SLC14A2: variants seen among roughly 807,000 people sequenced by gnomAD.
The protein encoded by SLC14A2 is solute carrier family 14 member 2, also known as urea transporter 2.
In SLC14A2, 91 loss-of-function variants were observed where a neutral mutation model predicts 104.6. The ratio of observed to expected loss-of-function variants is 0.87; its 90% CI spans 0.73 to 1.04. The LOEUF (loss-of-function observed/expected upper bound fraction) is 1.04. SLC14A2 is among the 50% of genes least tolerant of loss of function. The pLI, the probability that SLC14A2 is intolerant of heterozygous loss-of-function variation, is 0.00. For synonymous variants in SLC14A2, 476 were observed against 466.4 expected (o/e 1.02, Z -0.27); for missense variants, 1,189 against 1,156.0 (o/e 1.03, Z -0.41).
At chr18:45,554,418 G>A (rs1312660643) in intron 2 of SLC14A2, among the ~76,000 whole-genome samples, 1 of 152,144 alleles carries the variant, frequency 6.6e-6, no homozygotes, top group Non-Finnish European at 1.5e-5. Flanking sequence ...TTCTTCTGGG[G>A]AAGGCCATGG....
At chr18:45,335,256 C>T (rs553187404) in intron 1 of SLC14A2, among the ~76,000 whole-genome samples, 1 of 152,290 alleles carries the variant, frequency 6.6e-6, no homozygotes, top group East Asian at 1.9e-4. Context: ...GCTAGAGTTT[C>T]GTATAAATGG....
chr18:45,563,685 G>C (rs576690827), intron 2 of SLC14A2, among the ~76,000 whole-genome samples: 25 of 152,166 alleles, frequency 1.6e-4, no homozygotes, highest in African/African-American at 5.8e-4. Flanking sequence ...TTACCAAACT[G>C]CAAACTCTTT....
intron 1 of SLC14A2, among the ~76,000 whole-genome samples, chr18:45,281,065 C>A (rs1295298646): frequency 6.6e-6 from 1 of 152,184 alleles, no homozygotes; most frequent in Non-Finnish European, 1.5e-5. Context: ...TCTAAACAGT[C>A]ATTCCGTGTC....
chr18:45,231,491 G>A (rs922515927), intron 1 of SLC14A2, among the ~76,000 whole-genome samples: 3 of 152,160 alleles, frequency 2.0e-5, no homozygotes, highest in African/African-American at 7.2e-5. Context: ...TTACAGGTGT[G>A]AGCCACTACA....
At chr18:45,663,536 G>A (rs918578347) in intron 10 of SLC14A2, among the ~76,000 whole-genome samples, 3 of 152,170 alleles carry the variant, frequency 2.0e-5, no homozygotes, top group African/African-American at 7.2e-5. Flanking sequence ...AAGAAATAAG[G>A]CAAACTGCTC....
At chr18:45,342,370 G>A (rs974546217) in intron 1 of SLC14A2, among the ~76,000 whole-genome samples, 7 of 152,156 alleles carry the variant, frequency 4.6e-5, no homozygotes, top group African/African-American at 1.7e-4. Flanking sequence ...TGGAAGGCAG[G>A]AACAGCAGGG....
chr18:45,195,617 C>T, the SLC14A2 span, among the ~76,000 whole-genome samples: 1 of 152,102 alleles, frequency 6.6e-6, no homozygotes, highest in South Asian at 2.1e-4. Flanking sequence ...GTCTTGAACT[C>T]CTGACCTCGT....
intron 1 of SLC14A2, among the ~76,000 whole-genome samples, chr18:45,237,773 A>G (rs2144041405): frequency 6.6e-6 from 1 of 152,294 alleles, no homozygotes; most frequent in Non-Finnish European, 1.5e-5. Flanking sequence ...AGCCTTCCTG[A>G]GAGGCTGACA....
the SLC14A2 span, among the ~76,000 whole-genome samples, chr18:45,204,085 G>T: frequency 6.6e-6 from 1 of 152,140 alleles, no homozygotes; most frequent in Non-Finnish European, 1.5e-5. Flanking sequence ...GATAATTGTG[G>T]TATATTTAAT....
chr18:45,394,680 C>T (rs2086009184), intron 1 of SLC14A2, among the ~76,000 whole-genome samples: 1 of 151,878 alleles, frequency 6.6e-6, no homozygotes, highest in African/African-American at 2.4e-5. Context: ...AAGGCTTTTG[C>T]CCATTTTTTA....
chr18:45,257,091 T>C (rs1026676031), intron 1 of SLC14A2, among the ~76,000 whole-genome samples: 2 of 152,254 alleles, frequency 1.3e-5, no homozygotes, highest in South Asian at 2.1e-4. Context: ...TCTTTCCTGA[T>C]GCCTCTACCA....
At chr18:45,622,683 C>T (rs570599392) in intron 1 of SLC14A2, among the ~76,000 whole-genome samples, 1 of 152,158 alleles carries the variant, frequency 6.6e-6, no homozygotes, top group African/African-American at 2.4e-5. Flanking sequence ...AAGGAGCAAC[C>T]AGAGAGGGGA....
At chr18:45,631,926 G>C (rs1568306002) in intron 4 of SLC14A2, among the ~76,000 whole-genome samples, 1 of 152,108 alleles carries the variant, frequency 6.6e-6, no homozygotes, top group Admixed American at 6.5e-5. Flanking sequence ...GCCAACTACA[G>C]AGAACTTTAC....
chr18:45,420,395 G>A (rs916497336), intron 1 of SLC14A2, among the ~76,000 whole-genome samples: 1 of 152,122 alleles, frequency 6.6e-6, no homozygotes, highest in Non-Finnish European at 1.5e-5. Flanking sequence ...AATTATACAA[G>A]GTGTGAACTC....
chr18:45,204,313 C>T, the SLC14A2 span, among the ~76,000 whole-genome samples: 75,829 of 152,054 alleles, frequency 0.5, 19,325 homozygotes, highest in Non-Finnish European at 0.57. Context: ...CTACTCCAGC[C>T]ACTTAGGTGT....
chr18:45,605,559 C>A (rs2144424792), intron 2 of SLC14A2, among the ~76,000 whole-genome samples: 1 of 152,234 alleles, frequency 6.6e-6, no homozygotes, highest in South Asian at 2.1e-4. Context: ...GTGGAGGATG[C>A]ACAGATAACA....
intron 1 of SLC14A2, among the ~76,000 whole-genome samples, chr18:45,358,426 G>A (rs114217738): frequency 4.6e-5 from 7 of 152,094 alleles, no homozygotes; most frequent in Non-Finnish European, 7.4e-5. Context: ...CACTTCTGTC[G>A]GGCTGCTCCT....
intron 2 of SLC14A2, among the ~76,000 whole-genome samples, chr18:45,576,703 A>G (rs979161418): frequency 2.0e-5 from 3 of 152,054 alleles, no homozygotes; most frequent in African/African-American, 7.2e-5. Flanking sequence ...AGCCTGGCAG[A>G]CTTCCTACAC....
chr18:45,479,935 C>T (rs1346011583), intron 1 of SLC14A2, among the ~76,000 whole-genome samples: 1 of 152,080 alleles, frequency 6.6e-6, no homozygotes, highest in African/African-American at 2.4e-5. Flanking sequence ...TTGCACCTCT[C>T]GTAAATTCCA....
Sources: gnomAD v4.1 joint callset for allele counts (sites outside exome capture counted in the v4.1 genomes callset) on GRCh38, gnomAD v4.1.1 for gene constraint, MANE v1.5 for transcripts, NCBI Gene and HGNC (gene_info 2026-07-23, HGNC 2026-07-21) for gene names.